Variants in XIRP2 observed in about 807,000 individuals in gnomAD.
XIRP2 encodes xin actin-binding repeat-containing protein 2.
Under a neutral mutation model 277.0 loss-of-function variants are expected in XIRP2, and 236 were observed. That is an observed-to-expected ratio of 0.85 (90% confidence interval 0.77 to 0.95). The LOEUF (loss-of-function observed/expected upper bound fraction) is 0.95, where lower values mean the gene tolerates loss of function less well. Among genes scored for constraint, XIRP2 ranks in the 40% least tolerant of loss-of-function variants. The pLI, the probability that XIRP2 is intolerant of heterozygous loss-of-function variation, is 0.00. For synonymous variants in XIRP2, 1,490 were observed against 1,416.5 expected (o/e 1.05, Z -1.17); for missense variants, 4,640 against 4,157.5 (o/e 1.12, Z -3.19).
chr2:167,106,707 C>A (rs1482841190), intron 2 of XIRP2, among the ~76,000 whole-genome samples: 1 of 151,458 alleles, frequency 6.6e-6, no homozygotes, highest in Non-Finnish European at 1.5e-5. Flanking sequence ...AAAGTGTTGT[C>A]TTTATCTACA....
At chr2:167,157,784 A>C (rs1165197959) in intron 3 of XIRP2, among the ~76,000 whole-genome samples, 1 of 152,168 alleles carries the variant, frequency 6.6e-6, no homozygotes, top group African/African-American at 2.4e-5. Context: ...TTGCAATAGG[A>C]GGAAAAAAGT....
At chr2:167,143,843 T>C (rs1691794338) in intron 3 of XIRP2, among the ~76,000 whole-genome samples, 1 of 152,018 alleles carries the variant, frequency 6.6e-6, no homozygotes, top group Non-Finnish European at 1.5e-5. Flanking sequence ...ATTTCAGACA[T>C]GGGCAATAGA....
intron 2 of XIRP2, among the ~76,000 whole-genome samples, chr2:167,041,842 G>GA (rs1466088334): frequency 2.0e-5 from 3 of 151,904 alleles, no homozygotes; most frequent in Non-Finnish European, 2.9e-5. Flanking sequence ...GAAATTCAAA[G>GA]AAACATATGA....
At chr2:167,203,041 C>T (rs576045836) in intron 3 of XIRP2, among the ~76,000 whole-genome samples, 143 of 152,332 alleles carry the variant, frequency 9.4e-4, no homozygotes, top group African/African-American at 3.3e-3. Flanking sequence ...CTGACTCCCT[C>T]TTTCACTTAC....
intron 2 of XIRP2, among the ~76,000 whole-genome samples, chr2:167,001,378 C>T (rs1051553007): frequency 4.6e-5 from 7 of 152,040 alleles, no homozygotes; most frequent in East Asian, 1.9e-4. Flanking sequence ...TTAGGATAAA[C>T]GCTAGGGATC....
Position 167,048,920 on chromosome 2 carries a change from GGT to G in XIRP2, c.409-86986_409-86985del, listed in dbSNP as rs1418924224. On this transcript the variant is annotated intron_variant, in intron 2 of 10. Transcript: ENST00000409195. ...CTTGGTGTGAAATTCTGGCTGATTT[GGT>G]GTTTCTGGATTTCATTTCTTTCCTG... 2.6e-5 allele frequency among the ~76,000 whole-genome samples: 4 copies of G among 151,824 alleles called. No homozygotes were observed. The East Asian group carries it at 5.8e-4, about 22-fold the overall frequency.
intron 2 of XIRP2, among the ~76,000 whole-genome samples, chr2:167,102,523 G>A (rs1352921908): frequency 1.3e-5 from 2 of 152,146 alleles, no homozygotes; most frequent in Non-Finnish European, 2.9e-5. Context: ...AACACCCTCT[G>A]GGAGAAAAGG....
intron 3 of XIRP2, among the ~76,000 whole-genome samples, chr2:167,145,148 T>C (rs1328836668): frequency 6.6e-6 from 1 of 152,172 alleles, no homozygotes; most frequent in African/African-American, 2.4e-5. Context: ...AAATAATGAA[T>C]AACACCATAT....
At chr2:167,065,500 A>G (rs1475240386) in intron 2 of XIRP2, among the ~76,000 whole-genome samples, 1 of 151,448 alleles carries the variant, frequency 6.6e-6, no homozygotes, top group African/African-American at 2.4e-5. Flanking sequence ...TTGAAACACA[A>G]ACTTTTTTTT....
intron 2 of XIRP2, among the ~76,000 whole-genome samples, chr2:167,078,739 A>T (rs1407408638): frequency 2.6e-5 from 4 of 151,374 alleles, no homozygotes; most frequent in Admixed American, 2.6e-4. Flanking sequence ...TGGGAGGCTG[A>T]GGCAGGAGAA....
intron 6 of XIRP2, among the ~76,000 whole-genome samples, chr2:167,240,438 A>T (rs564421999): frequency 2.2e-4 from 34 of 152,212 alleles, no homozygotes; most frequent in Non-Finnish European, 4.3e-4. Context: ...ATGAATGTAA[A>T]ATAGGCACCC....
chr2:167,072,311 G>C (rs1219902144), intron 2 of XIRP2, among the ~76,000 whole-genome samples: 4 of 152,064 alleles, frequency 2.6e-5, no homozygotes, highest in African/African-American at 9.7e-5. Flanking sequence ...TTCTCTATAT[G>C]TATAATACCA....
rs534715383 is a variant in XIRP2, at chr2:166,921,898, C to A, written c.408+18008C>A. Among the ~76,000 whole-genome samples the A allele has an allele frequency of 1.1e-4, 16 of 152,280 alleles. No individual in the cohort carries two copies. The South Asian group carries it at 1.7e-3, about 16-fold the overall frequency. On this transcript the variant is annotated intron_variant, in intron 2 of 10. Transcript: ENST00000409195. ...ATATGGTCAGTGCAGGGTGAGTGAT[C>A]TTTTCAGAGGCTTGTGCCAGCTCCT...
At chr2:167,136,986 T>C (rs1691571954) in intron 3 of XIRP2, among the ~76,000 whole-genome samples, 1 of 152,204 alleles carries the variant, frequency 6.6e-6, no homozygotes, top group African/African-American at 2.4e-5. Context: ...GGAGGCTTAT[T>C]AGAAATGCAG....
chr2:167,048,174 A>G (rs1688834692), intron 2 of XIRP2, among the ~76,000 whole-genome samples: 1 of 151,990 alleles, frequency 6.6e-6, no homozygotes, highest in Non-Finnish European at 1.5e-5. Flanking sequence ...TGGTCAATAT[A>G]TCTCTTATGC....
At chr2:167,103,910 G>C (rs114190027) in intron 2 of XIRP2, among the ~76,000 whole-genome samples, 1,900 of 152,212 alleles carry the variant, frequency 0.012, 43 homozygotes, top group African/African-American at 0.044. Context: ...ATTATTACCA[G>C]CACCAGTGAT....
At chr2:167,065,820 G>A (rs1397289013) in intron 2 of XIRP2, among the ~76,000 whole-genome samples, 1 of 151,728 alleles carries the variant, frequency 6.6e-6, no homozygotes, top group Non-Finnish European at 1.5e-5. Context: ...TTTTTGAAAG[G>A]TATTTTCACT....
chr2:167,138,017 G>A (rs2105320508), intron 3 of XIRP2, among the ~76,000 whole-genome samples: 1 of 152,076 alleles, frequency 6.6e-6, no homozygotes, highest in South Asian at 2.1e-4. Flanking sequence ...CAAACCAAGA[G>A]CATTTTGATA....
chr2:167,245,191 A>G lies in XIRP2; in HGVS notation c.3799A>G (p.Ile1267Val). The G allele has an allele frequency of 1.9e-6, 3 of 1,613,778 alleles. No individual in the cohort carries two copies. The highest frequency in any genetic ancestry group is 2.5e-6 in the Non-Finnish European group (3 of 1,179,738). Reference protein sequence around the residue: ...GDECVKTVTDIQGGDVRKGCF... With the variant: ...GDECVKTVTDVQGGDVRKGCF... ...TGAATGTGTTAAGACGGTGACAGAC[A>G]TACAAGGTGGGGATGTAAGAAAGGG... The change falls in exon 9 of 11, where the codon ATA becomes GTA. Residue 1267 changes from isoleucine to valine, a missense_variant. By Grantham distance (29) the Ile-to-Val change is conservative. Coordinates refer to ENST00000409195, the MANE Select transcript of XIRP2 (RefSeq NM_152381.6).
Sources: gnomAD v4.1 joint callset for allele counts (sites outside exome capture counted in the v4.1 genomes callset) on GRCh38, gnomAD v4.1.1 for gene constraint, MANE v1.5 for transcripts, NCBI Gene and HGNC (gene_info 2026-07-23, HGNC 2026-07-21) for gene names.